SMYD3: variants seen among roughly 807,000 people sequenced by gnomAD.
The protein encoded by SMYD3 is SET and MYND domain containing 3, also known as histone-lysine N-methyltransferase SMYD3.
In SMYD3, 36 loss-of-function variants were observed where a neutral mutation model predicts 57.7. That is an observed-to-expected ratio of 0.62 (90% CI 0.48 to 0.82). The LOEUF is 0.82. SMYD3 is among the 40% of genes least tolerant of loss of function. The probability of loss-of-function intolerance (pLI) is 0.00; values close to 1 mark genes in which losing one functional copy is unlikely to be tolerated. For synonymous variants in SMYD3, 211 were observed against 195.0 expected, an observed-to-expected ratio of 1.08 and a Z score of -0.68; for missense variants, 515 against 538.8, an observed-to-expected ratio of 0.96 and a Z score of 0.44.
intron 5 of SMYD3, among the ~76,000 whole-genome samples, chr1:246,058,501 A>C (rs1008178655): frequency 6.6e-6 from 1 of 151,752 alleles, no homozygotes; most frequent in African/African-American, 2.4e-5. Flanking sequence ...TATCTTACGA[A>C]ATAATAAATG....
chr1:246,361,923 T>C (rs970181642), intron 1 of SMYD3, among the ~76,000 whole-genome samples: 3 of 151,980 alleles, frequency 2.0e-5, no homozygotes, highest in Non-Finnish European at 4.4e-5. Context: ...AAACACCACC[T>C]GCTCCCCAAA....
chr1:245,882,923 T>C (rs1341384926), intron 8 of SMYD3, among the ~76,000 whole-genome samples: 1 of 152,218 alleles, frequency 6.6e-6, no homozygotes, highest in Non-Finnish European at 1.5e-5. Context: ...GAGACTTATA[T>C]GGGCAAACTG....
At chr1:245,840,084 G>A (rs1192220379) in intron 10 of SMYD3, among the ~76,000 whole-genome samples, 2 of 152,126 alleles carry the variant, frequency 1.3e-5, no homozygotes, top group African/African-American at 4.8e-5. Context: ...AGTTTAACAT[G>A]TGATAACCAG....
rs530549444 is a variant in SMYD3, at chr1:246,276,327, G to A, written c.531+50874C>T. 8.2e-4 allele frequency among the ~76,000 whole-genome samples: 98 copies of A among 119,940 alleles called. 10 individuals carry two copies. Among genetic ancestry groups the A allele is most frequent in the Non-Finnish European group, 1.3e-3 (76 of 57,604 alleles). 78.7% of individuals were successfully genotyped at this position (119,940 alleles called of 152,430 possible). On this transcript the variant is annotated intron_variant, in intron 5 of 11. Coordinates refer to ENST00000490107, the MANE Select transcript of SMYD3 (RefSeq NM_001167740.2). ...TTTAATGCCTCTAGTGGAGTCTGAT[G>A]CCCATGTTTGAATACTAACTCCATT... is the stretch of plus-strand genomic sequence containing the variant.
chr1:246,443,183 C>T (rs573608092), intron 1 of SMYD3, among the ~76,000 whole-genome samples: 1 of 152,250 alleles, frequency 6.6e-6, no homozygotes, highest in South Asian at 2.1e-4. Context: ...TCTTACCAAT[C>T]AGTAACACTG....
chr1:246,291,799 A>G (rs1369550035), intron 5 of SMYD3, among the ~76,000 whole-genome samples: 1 of 152,232 alleles, frequency 6.6e-6, no homozygotes, highest in Non-Finnish European at 1.5e-5. Flanking sequence ...TAGCCTTGGG[A>G]AAATATGAAT....
chr1:246,056,245 A>G (rs976600301), intron 5 of SMYD3, among the ~76,000 whole-genome samples: 1 of 152,164 alleles, frequency 6.6e-6, no homozygotes, highest in Non-Finnish European at 1.5e-5. Context: ...AATATATTTT[A>G]TGCCTCTCCT....
intron 5 of SMYD3, among the ~76,000 whole-genome samples, chr1:246,266,291 T>C (rs956967933): frequency 2.0e-5 from 3 of 152,206 alleles, no homozygotes; most frequent in African/African-American, 7.2e-5. Context: ...TCCCATCTTT[T>C]TTTAATCGGG....
In SMYD3 at chr1:245,920,072, G is replaced by A. The variant is rs554619531; in HGVS notation, c.703-4432C>T. On this transcript the variant is annotated intron_variant, in intron 7 of 11. Transcript: ENST00000490107. ...CTCACGCCTGTAATCCCAGCACTTTGGGAGGCCAAGGCGGTAGGATCACGA... is the reference window on the plus strand; with the variant it reads ...CTCACGCCTGTAATCCCAGCACTTTAGGAGGCCAAGGCGGTAGGATCACGA... 1.5e-4 allele frequency among the ~76,000 whole-genome samples: 21 copies of A among 140,318 alleles called. No individual in the cohort carries two copies. In the South Asian group the frequency reaches 5.3e-3, roughly 35 times the overall value. 92.1% of individuals were successfully genotyped at this position (140,318 alleles called of 152,430 possible). A position where few individuals can be genotyped will look rare whatever the true frequency, so the allele number is the denominator to read the frequency against.
At chr1:246,210,661 C>G (rs150902273) in intron 5 of SMYD3, among the ~76,000 whole-genome samples, 3,707 of 150,964 alleles carry the variant, frequency 0.025, 166 homozygotes, top group African/African-American at 0.085. Flanking sequence ...AGTGAGCCGA[C>G]ATTGTGCCAC....
chr1:246,040,208 C>T (rs1238866954), intron 5 of SMYD3, among the ~76,000 whole-genome samples: 4 of 152,018 alleles, frequency 2.6e-5, no homozygotes, highest in African/African-American at 7.2e-5. Flanking sequence ...CATATACAAC[C>T]GGGATATTAA....
intron 1 of SMYD3, among the ~76,000 whole-genome samples, chr1:246,469,424 A>G (rs956539181): frequency 1.3e-5 from 2 of 152,188 alleles, no homozygotes; most frequent in African/African-American, 4.8e-5. Flanking sequence ...AGTACAACAT[A>G]AGCCTGGAAC....
chr1:245,776,850 T>C (rs889411595), intron 10 of SMYD3, among the ~76,000 whole-genome samples: 1 of 152,258 alleles, frequency 6.6e-6, no homozygotes, highest in Non-Finnish European at 1.5e-5. Flanking sequence ...CCAAATCCCA[T>C]GAGCAACATG....
chr1:246,496,030 T>G (rs1302169041), intron 1 of SMYD3, among the ~76,000 whole-genome samples: 1 of 151,856 alleles, frequency 6.6e-6, no homozygotes, highest in African/African-American at 2.4e-5. Context: ...TTCTTGATTT[T>G]TTGTTGTTGT....
intron 5 of SMYD3, among the ~76,000 whole-genome samples, chr1:246,117,272 T>G (rs2061355217): frequency 6.6e-6 from 1 of 152,236 alleles, no homozygotes; most frequent in Admixed American, 6.5e-5. Flanking sequence ...GATAGGACTT[T>G]CCACTTTCAT....
intron 5 of SMYD3, among the ~76,000 whole-genome samples, chr1:246,287,780 C>A (rs1416605251): frequency 6.6e-6 from 1 of 152,132 alleles, no homozygotes; most frequent in Non-Finnish European, 1.5e-5. Context: ...AATTATGACA[C>A]CTATAAATCA....
At chr1:246,320,638 T>G (rs1452050041) in intron 5 of SMYD3, among the ~76,000 whole-genome samples, 1 of 152,200 alleles carries the variant, frequency 6.6e-6, no homozygotes, top group African/African-American at 2.4e-5. Context: ...TTTACCACAT[T>G]TCTAATCAGG....
intron 5 of SMYD3, among the ~76,000 whole-genome samples, chr1:246,028,101 C>T (rs935966640): frequency 3.3e-5 from 5 of 152,130 alleles, no homozygotes; most frequent in East Asian, 1.9e-4. Context: ...GAGACTGTTA[C>T]GAACAACAAT....
intron 5 of SMYD3, among the ~76,000 whole-genome samples, chr1:246,302,489 G>T (rs1001951115): frequency 1.3e-5 from 2 of 152,080 alleles, no homozygotes; most frequent in Non-Finnish European, 1.5e-5. Context: ...AATACAGAAG[G>T]AATTCAGGTG....
Sources: allele counts gnomAD v4.1 joint callset (sites outside exome capture counted in the v4.1 genomes callset), GRCh38; gene constraint gnomAD v4.1.1; transcripts MANE v1.5; gene names NCBI Gene and HGNC (gene_info 2026-07-23, HGNC 2026-07-21).